Variants in DNAI3 observed in about 807,000 individuals in gnomAD.
DNAI3 encodes dynein axonemal intermediate chain 3.
Under a neutral mutation model 115.5 loss-of-function variants are expected in DNAI3, and 83 were observed. The observed-to-expected ratio is 0.72, with a 90% CI of 0.60 to 0.86. The LOEUF (loss-of-function observed/expected upper bound fraction) is 0.86, where lower values mean the gene tolerates loss of function less well. DNAI3 is among the 40% of genes least tolerant of loss of function. The pLI, the probability that DNAI3 is intolerant of heterozygous loss-of-function variation, is 0.00. For missense variants in DNAI3, 1,004 were observed against 1,075.8 expected, an observed-to-expected ratio of 0.93 and a Z score of 0.93; for synonymous variants, 320 against 347.0, an observed-to-expected ratio of 0.92 and a Z score of 0.86.
chr1:85,114,227 G>A (rs1445955688), intron 16 of DNAI3, among the ~76,000 whole-genome samples: 1 of 152,000 alleles, frequency 6.6e-6, no homozygotes, highest in Non-Finnish European at 1.5e-5. Context: ...TGGCCAGGCT[G>A]GTCTCGAACT....
At chr1:85,095,430 G>T (rs979076613) in intron 10 of DNAI3, among the ~76,000 whole-genome samples, 1 of 152,050 alleles carries the variant, frequency 6.6e-6, no homozygotes, top group Non-Finnish European at 1.5e-5. Context: ...CAAATTGAAA[G>T]ATCTCTAGCC....
chr1:85,098,820 G>A (rs1399633824), intron 13 of DNAI3, among the ~76,000 whole-genome samples, 162 bp downstream of exon 13: 3 of 152,204 alleles, frequency 2.0e-5, no homozygotes, highest in Non-Finnish European at 4.4e-5. Context: ...ACCAGTATCT[G>A]AGTTGGAGTA....
chr1:85,110,521 AAC>A (rs1165488199), intron 16 of DNAI3, among the ~76,000 whole-genome samples: 1 of 151,224 alleles, frequency 6.6e-6, no homozygotes, highest in Non-Finnish European at 1.5e-5. Flanking sequence ...GATTATGACT[AAC>A]GTGAGTTACT....
At chr1:85,112,114 T>C (rs1405793880) in intron 16 of DNAI3, among the ~76,000 whole-genome samples, 1 of 152,038 alleles carries the variant, frequency 6.6e-6, no homozygotes, top group Non-Finnish European at 1.5e-5. Flanking sequence ...TGGAGGGGCA[T>C]GATCATAGTT....
At chr1:85,125,532 T>C (rs1368559465) in intron 19 of DNAI3, among the ~76,000 whole-genome samples, 2 of 80,684 alleles carry the variant, frequency 2.5e-5, no homozygotes, top group African/African-American at 6.3e-5. Context: ...TTCTGTATGT[T>C]TGATTTTTTT....
chr1:85,069,918 A>G (rs1012577798), intron 1 of DNAI3, among the ~76,000 whole-genome samples: 3 of 152,204 alleles, frequency 2.0e-5, no homozygotes, highest in Admixed American at 6.5e-5. Flanking sequence ...ATTGCAGAAT[A>G]TCTTAAAAAT....
chr1:85,094,938 G>T (rs984698287), intron 10 of DNAI3, among the ~76,000 whole-genome samples: 7 of 152,200 alleles, frequency 4.6e-5, no homozygotes, highest in African/African-American at 1.7e-4. Flanking sequence ...GAGAGCACTG[G>T]GGAGTGGTAG....
At chr1:85,126,391 A>C in intron 19 of DNAI3, 120 bp from the exon 20 acceptor site, 1 of 1,010,856 alleles carries the variant, frequency 9.9e-7, no homozygotes, top group East Asian at 2.7e-5. Context: ...TCCTGTGGGC[A>C]TAATTTTGTT....
intron 16 of DNAI3, among the ~76,000 whole-genome samples, chr1:85,112,755 A>G (rs1279774339): frequency 6.6e-6 from 1 of 152,060 alleles, no homozygotes; most frequent in East Asian, 1.9e-4. Flanking sequence ...TTGCCCATTT[A>G]TCAGTTGGGT....
chr1:85,092,368 T>C (rs915456254), intron 8 of DNAI3, among the ~76,000 whole-genome samples: 1 of 152,208 alleles, frequency 6.6e-6, no homozygotes, highest in Non-Finnish European at 1.5e-5. Flanking sequence ...TTTTACTGTT[T>C]ATATTGAACT....
intron 8 of DNAI3, among the ~76,000 whole-genome samples, chr1:85,091,932 C>T (rs1654988646): frequency 6.6e-6 from 1 of 152,196 alleles, no homozygotes; most frequent in South Asian, 2.1e-4. Context: ...GAGCGGAAGC[C>T]ACGTCTTTAA....
At chr1:85,121,657 T>C in intron 17 of DNAI3, 94 bp from the exon 18 acceptor site, 1 of 1,148,102 alleles carries the variant, frequency 8.7e-7, no homozygotes, top group Non-Finnish European at 1.3e-6. Context: ...GTTTTGCATT[T>C]GTTTTGCTTA....
chr1:85,110,258 T>C (rs1655614486), intron 16 of DNAI3, 123 bp downstream of exon 16: 9 of 762,496 alleles, frequency 1.2e-5, no homozygotes, highest in South Asian at 1.7e-5. Flanking sequence ...GAGATCATCC[T>C]GGCTAACACG....
At position 85,094,507 on chromosome 1, in the gene DNAI3, G is replaced by A. The variant is rs139554255; in HGVS notation, c.1125G>A (p.Gln375=). The A allele has an allele frequency of 6.2e-7, 1 of 1,614,202 alleles. No individual in the cohort carries two copies. Residue 375 remains glutamine (Q), a synonymous_variant, in exon 10 of 23, where the codon CAG becomes CAA. Transcript: ENST00000294664. The part of the protein sequence containing the change: ...RVHFSGKLLL[Q]PSLILFWSFS... ...ACTTTTCTGGTAAATTATTGCTGCA[G>A]CCATCACTGATTCTTTTCTGGAGCT...
At chr1:85,114,799 C>T (rs909165466) in intron 16 of DNAI3, among the ~76,000 whole-genome samples, 4 of 152,188 alleles carry the variant, frequency 2.6e-5, no homozygotes, top group African/African-American at 9.7e-5. Context: ...GCTATCCCAC[C>T]ATTTTCTCTT....
intron 7 of DNAI3, among the ~76,000 whole-genome samples, chr1:85,087,145 A>G (rs1281510706): frequency 6.6e-6 from 1 of 152,138 alleles, no homozygotes; most frequent in Non-Finnish European, 1.5e-5. Flanking sequence ...CCTATATAAA[A>G]GCAACAACTT....
chr1:85,124,525 T>C (rs940118713), intron 19 of DNAI3, among the ~76,000 whole-genome samples: 11 of 152,146 alleles, frequency 7.2e-5, no homozygotes, highest in African/African-American at 2.2e-4. Context: ...GGCAGTTGAC[T>C]TCACTGGCAT....
intron 1 of DNAI3, among the ~76,000 whole-genome samples, chr1:85,066,106 G>A (rs377586726): frequency 6.6e-6 from 1 of 151,922 alleles, no homozygotes. Flanking sequence ...GTTCTGAAAT[G>A]GGTAAATTAA....
rs1043676217 is a variant in DNAI3 at position 85,074,902 on chromosome 1, C to A, written c.103+1810C>A. ...AATCATGGCAAACAGCACTATAACTCATTACTGAATAAATAAATGAGTGAA... is the reference window on the plus strand; with the variant it reads ...AATCATGGCAAACAGCACTATAACTAATTACTGAATAAATAAATGAGTGAA... On this transcript the variant is annotated intron_variant, in intron 3 of 22. Transcript: ENST00000294664. 3.9e-5 allele frequency among the ~76,000 whole-genome samples: 6 copies of A among 152,284 alleles called. 1 individual carries two copies. The highest frequency in any genetic ancestry group is 2.0e-4 in the Admixed American group (3 of 15,290).
Sources: allele counts gnomAD v4.1 joint callset (sites outside exome capture counted in the v4.1 genomes callset), GRCh38; gene constraint gnomAD v4.1.1; transcripts MANE v1.5; gene names NCBI Gene and HGNC (gene_info 2026-07-23, HGNC 2026-07-21).